The following NEK10 variants were observed in gnomAD, a reference collection of about 807,000 sequenced individuals.
NEK10 encodes NIMA related kinase 10.
Under a neutral mutation model 159.8 loss-of-function variants are expected in NEK10, and 122 were observed. The observed-to-expected ratio is 0.76, with a 90% CI of 0.66 to 0.89. NEK10 has a LOEUF of 0.89. Among genes scored for constraint, NEK10 ranks in the 40% least tolerant of loss-of-function variants. NEK10 has a pLI of 0.00. For missense variants in NEK10, 1,342 were observed against 1,323.1 expected (o/e 1.01, Z -0.22); for synonymous variants, 466 against 457.1 (o/e 1.02, Z -0.25).
chr3:27,108,568 T>C lies in NEK10; in HGVS notation c.*2704A>G, dbSNP rs1231860807. Among the ~76,000 whole-genome samples the C allele has an allele frequency of 6.6e-6, 1 of 152,212 alleles. No individual in the cohort carries two copies. The highest frequency in any genetic ancestry group is 1.5e-5 in the Non-Finnish European group (1 of 68,046). On this transcript the variant is annotated 3_prime_UTR_variant, in exon 36 of 36. Coordinates refer to ENST00000691995, the MANE Select transcript of NEK10 (RefSeq NM_001394966.1). The stretch of plus-strand genomic sequence containing the variant: ...AAAGACTGATTCATATTCTATTCCA[T>C]GCAAATATTCAGTTACGGAAATTAG...
intron 23 of NEK10, among the ~76,000 whole-genome samples, chr3:27,247,800 A>ATTTTC (rs1264925682): frequency 1.2e-4 from 15 of 121,898 alleles, no homozygotes; most frequent in African/African-American, 2.8e-4. Context: ...TTTTCTTTTA[A>ATTTTC]TTTTCTTTTC....
chr3:27,298,816 G>A (rs2043572337), intron 13 of NEK10, among the ~76,000 whole-genome samples: 1 of 152,158 alleles, frequency 6.6e-6, no homozygotes, highest in African/African-American at 2.4e-5. Flanking sequence ...GTGGCATTTT[G>A]CCCCTGCCCT....
intron 25 of NEK10, among the ~76,000 whole-genome samples, chr3:27,197,911 C>G (rs1248304443): frequency 6.6e-6 from 1 of 151,872 alleles, no homozygotes; most frequent in Non-Finnish European, 1.5e-5. Flanking sequence ...CTCGTCAATA[C>G]TATGTTGAAG....
At position 27,271,494 on chromosome 3, in the gene NEK10, T is replaced by C. The variant is rs182361409; in HGVS notation, c.2014+13108A>G. ...GCTTTGGCTTTTCTTTCTAATGCTA[T>C]GTAAGAGTCATCTTATTCTTACTAA... On this transcript the variant is annotated intron_variant, in intron 22 of 35. Coordinates refer to ENST00000691995, the MANE Select transcript of NEK10 (RefSeq NM_001394966.1). Among the ~76,000 whole-genome samples, 659 of 152,312 alleles carry C rather than the reference T, an allele frequency of 4.3e-3. 7 individuals are homozygous for C. The highest frequency in any genetic ancestry group is 0.015 in the African/African-American group (636 of 41,580).
intron 13 of NEK10, among the ~76,000 whole-genome samples, chr3:27,298,290 G>A (rs1481373884): frequency 6.6e-6 from 1 of 152,134 alleles, no homozygotes; most frequent in African/African-American, 2.4e-5. Flanking sequence ...GATAGTGAAT[G>A]AGTCTCACAA....
Position 27,212,628 on chromosome 3 carries a change from A to G in NEK10, c.2091-10071T>C, listed in dbSNP as rs142011480. Among the ~76,000 whole-genome samples, 13 of 152,346 alleles carry G rather than the reference A, an allele frequency of 8.5e-5. No homozygotes were observed. In the East Asian group the frequency reaches 1.9e-3, roughly 23 times the overall value. On this transcript the variant is annotated intron_variant, in intron 23 of 35. Coordinates refer to ENST00000691995, the MANE Select transcript of NEK10 (RefSeq NM_001394966.1). ...ACCCAAAATATCTTCTCTGAGGCCA[A>G]TGTGTGAGTTCTCACAATTAGTGAT...
intron 5 of NEK10, among the ~76,000 whole-genome samples, chr3:27,343,381 A>G (rs998690302): frequency 6.6e-6 from 1 of 152,202 alleles, no homozygotes; most frequent in Non-Finnish European, 1.5e-5. Context: ...TGATCAAGGT[A>G]TTAAATTATT....
At chr3:27,359,329 C>T (rs186505832) in intron 1 of NEK10, among the ~76,000 whole-genome samples, 138 of 151,768 alleles carry the variant, frequency 9.1e-4, no homozygotes, top group African/African-American at 3.3e-3. Context: ...CTAAAATAAA[C>T]TGCAATGAAC....
At chr3:27,261,584 G>C (rs968798621) in intron 22 of NEK10, among the ~76,000 whole-genome samples, 1 of 152,212 alleles carries the variant, frequency 6.6e-6, no homozygotes, top group Non-Finnish European at 1.5e-5. Context: ...TGTGGTCTGA[G>C]AGACAGTTTG....
At chr3:27,349,267 G>A (rs1286415676) in intron 3 of NEK10, among the ~76,000 whole-genome samples, 1 of 152,028 alleles carries the variant, frequency 6.6e-6, no homozygotes, top group Non-Finnish European at 1.5e-5. Context: ...TTAAATGCTT[G>A]TCATTTTCCT....
intron 23 of NEK10, among the ~76,000 whole-genome samples, chr3:27,247,820 C>CTTTTTTTTTTTTTTTTTTTTTT (rs111440414): frequency 7.9e-6 from 1 of 125,924 alleles, no homozygotes; most frequent in Non-Finnish European, 1.7e-5. Context: ...CTTTTCTTTT[C>CTTTTTTTTTTTTTTTTTTTTTT]TTTTTTTTTT....
In NEK10 at chr3:27,297,160, T is replaced by C. The variant is rs762121938; in HGVS notation, c.1230+19A>G. 2 of 1,580,696 alleles carry C rather than the reference T, an allele frequency of 1.3e-6. No homozygotes were observed. Among genetic ancestry groups the C allele is most frequent in the Non-Finnish European group, 1.7e-6 (2 of 1,149,872 alleles). On this transcript the variant is annotated intron_variant, in intron 14 of 35. Transcript: ENST00000691995. ...ATGAATGGTTATGGAGACCTGACCT[T>C]GAGAAGGAGTGCTCTCACCTGAACC...
chr3:27,300,128 A>G (rs903936266), intron 13 of NEK10, among the ~76,000 whole-genome samples: 3 of 152,134 alleles, frequency 2.0e-5, no homozygotes, highest in Admixed American at 2.0e-4. Context: ...CCAAATCTCA[A>G]TCTTGAATTG....
chr3:27,344,352 C>A lies in NEK10; in HGVS notation c.282G>T (p.Glu94Asp). Residue 94 changes from glutamate to aspartate, a missense_variant, in exon 5 of 36, where the codon GAG becomes GAT. Transcript: ENST00000691995. ...LENFSINYKN[E>D]RNFSKHPQRK... ...GCTGAGGATGTTTGCTGAAATTTCT[C>A]TCATTCTTGTAGTTTATACTGAGAC... 6.3e-7 allele frequency: 1 copy of A among 1,578,426 alleles called. No individual in the cohort carries two copies. Among genetic ancestry groups the A allele is most frequent in the East Asian group, 2.2e-5 (1 of 44,562 alleles).
intron 1 of NEK10, among the ~76,000 whole-genome samples, chr3:27,365,919 A>AAAT (rs2049048147): frequency 6.6e-6 from 1 of 152,006 alleles, no homozygotes. Flanking sequence ...AAATCATGAT[A>AAAT]CATATCAGGC....
At chr3:27,226,071 GC>G (rs1429167866) in intron 23 of NEK10, among the ~76,000 whole-genome samples, 1 of 151,756 alleles carries the variant, frequency 6.6e-6, no homozygotes, top group East Asian at 1.9e-4. Context: ...TCGCTCTGTT[GC>G]CCAGGCTGGA....
intron 23 of NEK10, among the ~76,000 whole-genome samples, chr3:27,231,093 A>T (rs1953210864): frequency 6.6e-6 from 1 of 152,070 alleles, no homozygotes. Flanking sequence ...ATATTCTCCA[A>T]GATGGACCAT....
intron 31 of NEK10, among the ~76,000 whole-genome samples, chr3:27,135,635 A>G (rs903313667): frequency 2.6e-5 from 4 of 152,252 alleles, no homozygotes; most frequent in Non-Finnish European, 1.5e-5. Flanking sequence ...CATTTGATAA[A>G]AAGTGATTTA....
chr3:27,216,005 C>T (rs1294749646), intron 23 of NEK10: 2 of 470,038 alleles, frequency 4.3e-6, no homozygotes, highest in East Asian at 6.4e-5. Context: ...TAAAATTCAA[C>T]ATGAAATTTA....
Sources: gnomAD v4.1 joint callset for allele counts (sites outside exome capture counted in the v4.1 genomes callset) on GRCh38, gnomAD v4.1.1 for gene constraint, MANE v1.5 for transcripts, NCBI Gene and HGNC (gene_info 2026-07-23, HGNC 2026-07-21) for gene names.